Variants in TNFSF14 observed in about 807,000 individuals in gnomAD.
The protein encoded by TNFSF14 is tumor necrosis factor ligand superfamily member 14.
A neutral mutation model predicts 22.7 loss-of-function variants in TNFSF14; 15 were observed. That is an observed-to-expected ratio of 0.66 (90% CI 0.44 to 1.02). The LOEUF is 1.02. Among genes scored for constraint, TNFSF14 ranks in the 50% least tolerant of loss-of-function variants. The pLI is 0.00. For missense variants in TNFSF14, 287 were observed against 326.2 expected (o/e 0.88, Z 0.93); for synonymous variants, 133 against 139.6 (o/e 0.95, Z 0.33).
chr19:6,665,120 G>T lies in TNFSF14; in HGVS notation c.529C>A (p.Leu177Met). 1 of 1,614,058 alleles carries T rather than the reference G, an allele frequency of 6.2e-7. No individual in the cohort carries two copies. Residue 177 changes from leucine (L) to methionine (M), a missense_variant, in exon 4 of 4, where the codon CTG (leucine) becomes ATG (methionine). By Grantham distance (15) the Leu-to-Met change is conservative. Transcript: ENST00000675206. Reference sequence around the variant, plus strand: ...GACTGCTGGCTGACCAACAGCTCCAGCTCCTCGGGGTAGCGGGGTGTGCGC... The same window carrying T: ...GACTGCTGGCTGACCAACAGCTCCATCTCCTCGGGGTAGCGGGGTGTGCGC... ...YKRTPRYPEELELLVSQQSPC... is the reference protein window; with the variant it reads ...YKRTPRYPEEMELLVSQQSPC...
chr19:6,665,353 G>A lies in TNFSF14; in HGVS notation c.299-3C>T, dbSNP rs781671905. On this transcript the variant is annotated splice_polypyrimidine_tract_variant and splice_region_variant and intron_variant, in intron 3 of 3. Transcript: ENST00000675206. Reference sequence around the variant, plus strand: ...GCCGGTCAAGCTGGAGTTGGCCCCTGTTGGGAAGAGAGAGACAAAGGGGGC... The same window carrying A: ...GCCGGTCAAGCTGGAGTTGGCCCCTATTGGGAAGAGAGAGACAAAGGGGGC... 14 of 1,554,780 alleles carry A rather than the reference G, an allele frequency of 9.0e-6. No individual in the cohort carries two copies. Among genetic ancestry groups the A allele is most frequent in the Non-Finnish European group, 1.0e-5 (12 of 1,151,848 alleles).
chr19:6,666,351 G>A (rs1046480547), intron 3 of TNFSF14, among the ~76,000 whole-genome samples: 9 of 147,536 alleles, frequency 6.1e-5, no homozygotes, highest in African/African-American at 1.0e-4. Flanking sequence ...GCCGTGAGCC[G>A]TGATAGCACC....
rs1917292727 is a variant in TNFSF14, at chr19:6,663,239, T to A, written c.*1687A>T. 6.6e-6 allele frequency: 1 copy of A among 152,288 alleles called. No individual in the cohort carries two copies. The highest frequency in any genetic ancestry group is 1.5e-5 in the Non-Finnish European group (1 of 68,060). The allele number at this position is 152,288 out of a possible 1,614,324, so 9.4% of individuals were successfully genotyped here. Reference sequence around the variant, plus strand: ...CACCCCGAGATGTGTTAGTCTGGGCTGGGGAGGGCCCTCAGGCTGTGTGTA... The same window carrying A: ...CACCCCGAGATGTGTTAGTCTGGGCAGGGGAGGGCCCTCAGGCTGTGTGTA... On this transcript the variant is annotated 3_prime_UTR_variant, in exon 4 of 4. Transcript: ENST00000675206.
intron 2 of TNFSF14, 60 bp downstream of exon 2, chr19:6,667,353 G>A: frequency 6.7e-7 from 1 of 1,499,456 alleles, no homozygotes; most frequent in South Asian, 1.3e-5. Context: ...ATTGACCGAG[G>A]GGTGGGGGTG....
chr19:6,668,386 A>C (rs1917487836), intron 1 of TNFSF14, among the ~76,000 whole-genome samples: 1 of 151,890 alleles, frequency 6.6e-6, no homozygotes. Context: ...TATGTAATTA[A>C]TTAAATAAAT....
rs1455075823 is a variant in TNFSF14 at position 6,669,980 on chromosome 19, T to C, written c.90A>G (p.Arg30=). ...PFTRLGRSHR[R]QSCSVARVGL... ...CCACCCGGGCCACACTGCACGACTGTCTCCGGTGGCTTCGTCCCAGCCTCG... is the reference window on the plus strand; with the variant it reads ...CCACCCGGGCCACACTGCACGACTGCCTCCGGTGGCTTCGTCCCAGCCTCG... Residue 30 remains arginine, a synonymous_variant, in exon 1 of 4, where the codon AGA becomes AGG. Transcript: ENST00000675206. 4.3e-6 allele frequency: 7 copies of C among 1,613,936 alleles called. No individual in the cohort carries two copies. In the East Asian group the frequency reaches 1.1e-4, roughly 26 times the overall value.
In TNFSF14 at chr19:6,665,261, C is replaced by G. The variant is rs372967991; in HGVS notation, c.388G>C (p.Asp130His). The change falls in exon 4 of 4, where the codon GAT (aspartate) becomes CAT (histidine). Residue 130 changes from aspartate to histidine, a missense_variant. By Grantham distance (81) the Asp-to-His change is moderately conservative. Transcript: ENST00000675206. ...GCTTTGGTGACCACAAGGGCCCCATCGTGGTAGCTGAGGCCCCTCAGGAAG... is the reference window on the plus strand; with the variant it reads ...GCTTTGGTGACCACAAGGGCCCCATGGTGGTAGCTGAGGCCCCTCAGGAAG... Reference protein sequence around the residue: ...LAFLRGLSYHDGALVVTKAGY... With the variant: ...LAFLRGLSYHHGALVVTKAGY... The G allele has an allele frequency of 8.7e-6, 14 of 1,613,822 alleles. 1 individual carries two copies. In the South Asian group the frequency reaches 1.2e-4, roughly 14 times the overall value.
In TNFSF14 at chr19:6,664,006, C is replaced by T. The variant is rs1917329790; in HGVS notation, c.*920G>A. 1.3e-5 allele frequency: 2 copies of T among 152,292 alleles called. No homozygotes were observed. Among genetic ancestry groups the T allele is most frequent in the South Asian group, 2.1e-4 (1 of 4,828 alleles). The allele number at this position is 152,292 out of a possible 1,614,324, so 9.4% of individuals were successfully genotyped here. A position where few individuals can be genotyped will look rare whatever the true frequency, so the allele number is the denominator to read the frequency against. On this transcript the variant is annotated 3_prime_UTR_variant, in exon 4 of 4. Coordinates refer to ENST00000675206, the MANE Select transcript of TNFSF14 (RefSeq NM_001376887.1). This position sits in a 1 kb window ranked among gnomAD's most constrained non-coding sequence, Gnocchi z 4.7. ...TGGCAAACATTACAAAGCTGTCCCC[C>T]TCCCAGGACAGCTGGTTGTTAAACA...
At chr19:6,670,380 G>T (rs186311651), upstream of TNFSF14, 2 of 812,866 alleles carry the variant, frequency 2.5e-6, no homozygotes, top group Non-Finnish European at 3.3e-6. Context: ...TGCTTCATTC[G>T]CTTGGGGCCA....
chr19:6,669,938 C>T lies in TNFSF14; in HGVS notation c.132G>A (p.Leu44=), dbSNP rs1183439641. The T allele has an allele frequency of 6.2e-7, 1 of 1,614,074 alleles. No homozygotes were observed. Among genetic ancestry groups the T allele is most frequent in the Non-Finnish European group, 8.5e-7 (1 of 1,180,020 alleles). ...SVARVGLGLL[L]LLMGAGLAVQ... is the part of the protein sequence containing the mutation. The stretch of plus-strand genomic sequence containing the variant: ...CGGCCAGCCCGGCCCCCATCAGCAA[C>T]AGCAAGAGACCCAGACCCACCCGGG... The change falls in exon 1 of 4, where the codon CTG becomes CTA. Residue 44 remains leucine, a synonymous_variant. Transcript: ENST00000675206.
At chr19:6,667,265 G>C in intron 2 of TNFSF14, 111 bp from the exon 3 acceptor site, 1 of 1,435,778 alleles carries the variant, frequency 7.0e-7, no homozygotes, top group East Asian at 2.6e-5. Context: ...CTTCCGGAGT[G>C]ACCCAAACTT....
At chr19:6,667,509 G>T in intron 1 of TNFSF14, 60 bp from the exon 2 acceptor site, 1 of 1,544,836 alleles carries the variant, frequency 6.5e-7, no homozygotes, top group Non-Finnish European at 8.7e-7. Flanking sequence ...CCCTCGCATT[G>T]CTCACACATG....
At chr19:6,669,127 C>T (rs965530251) in intron 1 of TNFSF14, among the ~76,000 whole-genome samples, 4 of 152,166 alleles carry the variant, frequency 2.6e-5, no homozygotes, top group East Asian at 1.9e-4. Flanking sequence ...GGAAGCAGAC[C>T]GAGAAATTTC....
chr19:6,670,303 A>C (rs554593630), upstream of TNFSF14: 4 of 1,363,292 alleles, frequency 2.9e-6, no homozygotes, highest in Admixed American at 9.1e-5. Flanking sequence ...CACACTTTCC[A>C]GAGGCTTCTG....
At position 6,664,890 on chromosome 19, in the gene TNFSF14, T is replaced by C; in HGVS notation, c.*36A>G. The C allele has an allele frequency of 6.5e-7, 1 of 1,550,282 alleles. No homozygotes were observed. The highest frequency in any genetic ancestry group is 1.2e-5 in the South Asian group (1 of 81,946). Reference sequence around the variant, plus strand: ...TGAGGCACCCTCTGAGTTCTCCACGTGTCAGACCCATGTCCAATGCACCAC... The same window carrying C: ...TGAGGCACCCTCTGAGTTCTCCACGCGTCAGACCCATGTCCAATGCACCAC... On this transcript the variant is annotated 3_prime_UTR_variant, in exon 4 of 4. Coordinates refer to ENST00000675206, the MANE Select transcript of TNFSF14 (RefSeq NM_001376887.1). This position sits in a 1 kb window ranked among gnomAD's most constrained non-coding sequence, Gnocchi z 4.7.
upstream of TNFSF14, chr19:6,670,302 C>T: frequency 1.5e-6 from 2 of 1,367,794 alleles, no homozygotes; most frequent in East Asian, 5.3e-5. Flanking sequence ...TCACACTTTC[C>T]AGAGGCTTCT....
rs1447010249 is a variant in TNFSF14, at chr19:6,667,164, G to A, written c.257-10C>T. 6.3e-7 allele frequency: 1 copy of A among 1,584,748 alleles called. No individual in the cohort carries two copies. ...TCGTGAGACCTTCGCTCTGGGGAAAGAGGGTCAGAGGTTAGAGACGAAGAC... is the reference window on the plus strand; with the variant it reads ...TCGTGAGACCTTCGCTCTGGGGAAAAAGGGTCAGAGGTTAGAGACGAAGAC... On this transcript the variant is annotated splice_polypyrimidine_tract_variant and intron_variant, in intron 2 of 3. Transcript: ENST00000675206.
At position 6,664,631 on chromosome 19, in the gene TNFSF14, C is replaced by CATTAAAAA; in HGVS notation, c.*294_*295insTTTTTAAT. On this transcript the variant is annotated 3_prime_UTR_variant, in exon 4 of 4. Transcript: ENST00000675206. The surrounding 1 kb of genome is among the most constrained non-coding windows in gnomAD (Gnocchi z 4.7). Reference sequence around the variant, plus strand: ...TCGGCTCACTGCAACCTCCGCCTCCCGGGTTTAAGCAAAATTATCCTGCCT... The same window carrying CATTAAAAA: ...TCGGCTCACTGCAACCTCCGCCTCCCATTAAAAAGGGTTTAAGCAAAATTATCCTGCCT... The CATTAAAAA allele has an allele frequency of 2.6e-5, 6 of 226,844 alleles. No individual in the cohort carries two copies. The highest frequency in any genetic ancestry group is 1.3e-4 in the South Asian group (1 of 8,000). 14.1% of individuals were successfully genotyped at this position (226,844 alleles called of 1,614,324 possible).
At chr19:6,668,991 C>T (rs1190365095) in intron 1 of TNFSF14, among the ~76,000 whole-genome samples, 3 of 152,252 alleles carry the variant, frequency 2.0e-5, no homozygotes, top group South Asian at 2.1e-4. Flanking sequence ...TATATGGACA[C>T]GAATGTGTGG....
Sources: gnomAD v4.1 joint callset for allele counts (sites outside exome capture counted in the v4.1 genomes callset) on GRCh38, gnomAD v4.1.1 for gene constraint, Gnocchi (gnomAD v3.1) non-coding constraint, MANE v1.5 for transcripts, NCBI Gene and HGNC (gene_info 2026-07-23, HGNC 2026-07-21) for gene names.